Variants in SEMA3E observed in about 807,000 individuals in gnomAD.
SEMA3E encodes semaphorin-3E.
In SEMA3E, 49 loss-of-function variants were observed where a neutral mutation model predicts 93.6. The observed-to-expected ratio is 0.52, with a 90% CI of 0.42 to 0.66. The LOEUF (loss-of-function observed/expected upper bound fraction) is 0.66. Among genes scored for constraint, SEMA3E ranks in the 30% least tolerant of loss-of-function variants. The pLI is 0.00. For missense variants in SEMA3E, 906 were observed against 964.8 expected, an observed-to-expected ratio of 0.94 and a Z score of 0.81; for synonymous variants, 363 against 330.7, an observed-to-expected ratio of 1.10 and a Z score of -1.06.
intron 1 of SEMA3E, among the ~76,000 whole-genome samples, chr7:83,557,143 C>T (rs1791912613): frequency 6.6e-6 from 1 of 151,872 alleles, no homozygotes; most frequent in African/African-American, 2.4e-5. Context: ...TATTGAAGAT[C>T]AAAAGTCTTA....
intron 1 of SEMA3E, among the ~76,000 whole-genome samples, chr7:83,545,063 A>T (rs1331794602): frequency 6.6e-6 from 1 of 152,142 alleles, no homozygotes. Flanking sequence ...ATACATTAAT[A>T]GGAAACTTAG....
At chr7:83,413,410 T>C (rs2723002) in intron 5 of SEMA3E, among the ~76,000 whole-genome samples, 77,028 of 152,144 alleles carry the variant, frequency 0.51, 22,370 homozygotes, top group East Asian at 0.84. Context: ...GAACAGCATA[T>C]GGCTAAAGAC....
At chr7:83,388,808 C>CTTTT (rs5885347) in intron 14 of SEMA3E, among the ~76,000 whole-genome samples, 33 of 141,152 alleles carry the variant, frequency 2.3e-4, no homozygotes, top group Non-Finnish European at 4.0e-4. Flanking sequence ...CTATTTCAGT[C>CTTTT]TTTTTTTTTT....
intron 1 of SEMA3E, among the ~76,000 whole-genome samples, chr7:83,557,282 G>C (rs1791917488): frequency 6.6e-6 from 1 of 151,140 alleles, no homozygotes; most frequent in Admixed American, 6.6e-5. Flanking sequence ...TTACTGTACA[G>C]ATAAAAGGAA....
chr7:83,550,179 G>C (rs1242813711), intron 1 of SEMA3E, among the ~76,000 whole-genome samples: 1 of 152,056 alleles, frequency 6.6e-6, no homozygotes, highest in Non-Finnish European at 1.5e-5. Flanking sequence ...TGACTATATA[G>C]GTCGCCTATC....
At chr7:83,450,237 T>A (rs1300048254) in intron 4 of SEMA3E, among the ~76,000 whole-genome samples, 5 of 152,172 alleles carry the variant, frequency 3.3e-5, no homozygotes, top group African/African-American at 1.2e-4. Context: ...AACATATGTA[T>A]CCTCTATGGC....
At chr7:83,581,025 A>C (rs1166976847) in intron 1 of SEMA3E, among the ~76,000 whole-genome samples, 2 of 151,992 alleles carry the variant, frequency 1.3e-5, no homozygotes. Flanking sequence ...CTAAAGTTTC[A>C]TAAATTAAGC....
chr7:83,431,333 G>A (rs1788879246), intron 4 of SEMA3E, among the ~76,000 whole-genome samples: 1 of 151,490 alleles, frequency 6.6e-6, no homozygotes, highest in Non-Finnish European at 1.5e-5. Flanking sequence ...TTCTTGGAAA[G>A]TTAAATTTTT....
chr7:83,615,954 G>T (rs562668918), intron 1 of SEMA3E, among the ~76,000 whole-genome samples: 1 of 151,152 alleles, frequency 6.6e-6, no homozygotes, highest in East Asian at 2.0e-4. Flanking sequence ...AAACAATCCT[G>T]CTTAAAGTAA....
At chr7:83,638,277 A>C (rs547949079) in intron 1 of SEMA3E, among the ~76,000 whole-genome samples, 6 of 152,340 alleles carry the variant, frequency 3.9e-5, no homozygotes, top group African/African-American at 1.4e-4. Context: ...ACTGTTGGGC[A>C]GTTCTTTATA....
chr7:83,405,693 T>A (rs920774021), intron 8 of SEMA3E, among the ~76,000 whole-genome samples, 174 bp from the exon 9 acceptor site: 1 of 152,224 alleles, frequency 6.6e-6, no homozygotes, highest in East Asian at 1.9e-4. Flanking sequence ...TCAGCTATTC[T>A]GGGTGGCCTT....
intron 4 of SEMA3E, among the ~76,000 whole-genome samples, chr7:83,436,509 A>C (rs1490992629): frequency 1.3e-5 from 2 of 151,790 alleles, no homozygotes; most frequent in Non-Finnish European, 2.9e-5. Flanking sequence ...ATATACATAT[A>C]TATATATTTA....
Position 83,642,863 on chromosome 7 carries a change from A to G in SEMA3E, c.115+5565T>C, listed in dbSNP as rs183495290. 4.3e-4 allele frequency among the ~76,000 whole-genome samples: 65 copies of G among 152,204 alleles called. No homozygotes were observed. In the East Asian group the frequency reaches 0.012, roughly 29 times the overall value. On this transcript the variant is annotated intron_variant, in intron 1 of 16. Transcript: ENST00000643230. The stretch of plus-strand genomic sequence containing the variant: ...TTGTTTTTAACTCTCAGAGACTGAA[A>G]TTATAAGACTTTAACACTGGGATGG...
intron 4 of SEMA3E, among the ~76,000 whole-genome samples, chr7:83,424,148 G>T (rs1019539477): frequency 6.6e-6 from 1 of 151,986 alleles, no homozygotes; most frequent in Admixed American, 6.6e-5. Context: ...AATGCCCCAG[G>T]AGTCAAATAA....
At chr7:83,519,658 T>C (rs1199205858) in intron 1 of SEMA3E, among the ~76,000 whole-genome samples, 1 of 152,160 alleles carries the variant, frequency 6.6e-6, no homozygotes, top group Non-Finnish European at 1.5e-5. Flanking sequence ...GTATCTCCTA[T>C]TATAGCATTT....
intron 5 of SEMA3E, among the ~76,000 whole-genome samples, chr7:83,410,619 T>C: frequency 6.6e-6 from 1 of 152,094 alleles, no homozygotes; most frequent in Non-Finnish European, 1.5e-5. Context: ...AGTAGTATTT[T>C]GAGACCAAAT....
intron 2 of SEMA3E, among the ~76,000 whole-genome samples, chr7:83,473,582 T>C (rs1200837366): frequency 6.6e-6 from 1 of 152,158 alleles, no homozygotes; most frequent in Non-Finnish European, 1.5e-5. Flanking sequence ...CATTTAAAAA[T>C]TTAAAAATCT....
chr7:83,375,062 T>C (rs1482705803), intron 16 of SEMA3E, among the ~76,000 whole-genome samples: 3 of 152,070 alleles, frequency 2.0e-5, no homozygotes, highest in African/African-American at 7.2e-5. Flanking sequence ...TGATTAATGG[T>C]TTATTCAAAT....
intron 1 of SEMA3E, among the ~76,000 whole-genome samples, chr7:83,525,535 A>ATT (rs56405502): frequency 2.0e-5 from 3 of 151,594 alleles, no homozygotes; most frequent in South Asian, 2.1e-4. Flanking sequence ...TTTCTCATGT[A>ATT]TTTTTTTCAT....
Sources: gnomAD v4.1 joint callset for allele counts (sites outside exome capture counted in the v4.1 genomes callset) on GRCh38, gnomAD v4.1.1 for gene constraint, MANE v1.5 for transcripts, NCBI Gene and HGNC (gene_info 2026-07-23, HGNC 2026-07-21) for gene names.